The following DOCK3 variants were observed in gnomAD, a reference collection of about 807,000 sequenced individuals.
The protein encoded by DOCK3 is dedicator of cytokinesis 3, also known as dedicator of cytokinesis protein 3.
A neutral mutation model predicts 265.6 loss-of-function variants in DOCK3; 60 were observed. The observed-to-expected ratio is 0.23, with a 90% confidence interval of 0.18 to 0.28. The LOEUF (loss-of-function observed/expected upper bound fraction) is 0.28. DOCK3 is among the 10% of genes least tolerant of loss of function. DOCK3 has a pLI of 1.00. For missense variants in DOCK3, 1,981 were observed against 2,594.3 expected, an observed-to-expected ratio of 0.76 and a Z score of 5.14; for synonymous variants, 881 against 938.0, an observed-to-expected ratio of 0.94 and a Z score of 1.11.
chr3:51,023,741 A>G (rs570728988), intron 5 of DOCK3, among the ~76,000 whole-genome samples: 4 of 151,812 alleles, frequency 2.6e-5, no homozygotes, highest in East Asian at 1.9e-4. Context: ...ATAGTTATCT[A>G]TCTCCCTGGA....
At chr3:51,273,223 G>C (rs901515521) in intron 24 of DOCK3, among the ~76,000 whole-genome samples, 3 of 151,528 alleles carry the variant, frequency 2.0e-5, no homozygotes, top group Non-Finnish European at 2.9e-5. Context: ...ACAGCAGACT[G>C]CTCTCACTGA....
At chr3:51,170,470 G>C (rs777132956) in intron 12 of DOCK3, among the ~76,000 whole-genome samples, 4 of 151,916 alleles carry the variant, frequency 2.6e-5, no homozygotes, top group Non-Finnish European at 4.4e-5. Context: ...ATCTTGGTAA[G>C]TTGTATGTTT....
At chr3:51,073,576 C>A (rs1479816531) in intron 6 of DOCK3, among the ~76,000 whole-genome samples, 1 of 152,134 alleles carries the variant, frequency 6.6e-6, no homozygotes, top group Non-Finnish European at 1.5e-5. Flanking sequence ...ATAGTTTTAT[C>A]ATTAAATTGT....
At chr3:51,037,167 T>C (rs1404080903) in intron 5 of DOCK3, among the ~76,000 whole-genome samples, 8 of 152,150 alleles carry the variant, frequency 5.3e-5, no homozygotes, top group Admixed American at 1.3e-4. Flanking sequence ...GTAAATAATA[T>C]AGGTACAGTT....
At chr3:51,290,517 A>G (rs1363998423) in intron 27 of DOCK3, among the ~76,000 whole-genome samples, 2 of 151,982 alleles carry the variant, frequency 1.3e-5, no homozygotes, top group Admixed American at 1.3e-4. Flanking sequence ...GGGGAGCATC[A>G]CACACCGGGG....
At chr3:50,837,322 A>G (rs955236663) in intron 2 of DOCK3, among the ~76,000 whole-genome samples, 1 of 152,190 alleles carries the variant, frequency 6.6e-6, no homozygotes, top group African/African-American at 2.4e-5. Context: ...GTAATTTATA[A>G]AGAAAAGAGA....
Position 51,136,010 on chromosome 3 carries a change from C to T in DOCK3, c.747-10539C>T, listed in dbSNP as rs541256366. On this transcript the variant is annotated intron_variant, in intron 9 of 52. Transcript: ENST00000266037. ...CAGGTGGAGCCATTGCATGCAGCCT[C>T]TAGTACCCTCTTAACTCATGCTCTG... Among the ~76,000 whole-genome samples, 7 of 152,234 alleles carry T rather than the reference C, an allele frequency of 4.6e-5. 1 individual carries two copies. Among genetic ancestry groups the T allele is most frequent in the Admixed American group, 4.6e-4 (7 of 15,290 alleles).
chr3:51,220,403 T>A (rs1356297981), intron 14 of DOCK3, among the ~76,000 whole-genome samples: 1 of 151,946 alleles, frequency 6.6e-6, no homozygotes, highest in Non-Finnish European at 1.5e-5. Flanking sequence ...ACGTGTGTAA[T>A]CCCAGCACTT....
intron 32 of DOCK3, among the ~76,000 whole-genome samples, chr3:51,318,444 C>A (rs9817872): frequency 0.087 from 13,199 of 152,138 alleles, 1,197 homozygotes; most frequent in East Asian, 0.34. Context: ...AACAGTATAT[C>A]TTTCCATTTA....
At chr3:51,075,893 G>A (rs1051079905) in intron 7 of DOCK3, among the ~76,000 whole-genome samples, 1 of 152,084 alleles carries the variant, frequency 6.6e-6, no homozygotes, top group Non-Finnish European at 1.5e-5. Flanking sequence ...ATGTTGGGTC[G>A]ACTAATCAAG....
At chr3:50,798,133 G>T (rs2042889044) in intron 2 of DOCK3, among the ~76,000 whole-genome samples, 1 of 152,190 alleles carries the variant, frequency 6.6e-6, no homozygotes, top group Non-Finnish European at 1.5e-5. Flanking sequence ...GGTGGAATCT[G>T]TTACATGCGA....
intron 10 of DOCK3, among the ~76,000 whole-genome samples, chr3:51,147,811 G>T (rs1008842628): frequency 3.3e-5 from 5 of 152,160 alleles, no homozygotes; most frequent in Admixed American, 1.3e-4. Flanking sequence ...ACATCTCCAT[G>T]TGTCTTAATA....
intron 9 of DOCK3, among the ~76,000 whole-genome samples, chr3:51,092,290 A>G (rs2082667797): frequency 6.6e-6 from 1 of 152,208 alleles, no homozygotes; most frequent in African/African-American, 2.4e-5. Context: ...CCAGCACAGC[A>G]GCAGACTGAG....
chr3:51,014,041 A>G (rs2079054484), intron 5 of DOCK3, among the ~76,000 whole-genome samples: 1 of 152,134 alleles, frequency 6.6e-6, no homozygotes, highest in African/African-American at 2.4e-5. Context: ...TTTAGGTGGC[A>G]GTGTCCCGAT....
At chr3:50,780,864 G>GT (rs546878465) in intron 2 of DOCK3, among the ~76,000 whole-genome samples, 2 of 151,402 alleles carry the variant, frequency 1.3e-5, no homozygotes, top group Non-Finnish European at 2.9e-5. Flanking sequence ...CTTCATTCAG[G>GT]TTTTTTTTGT....
chr3:51,378,959 A>G (rs1553617454), intron 51 of DOCK3, among the ~76,000 whole-genome samples: 1 of 152,190 alleles, frequency 6.6e-6, no homozygotes, highest in East Asian at 1.9e-4. Context: ...GTTAGGAAGC[A>G]GTGGGTCCAG....
intron 30 of DOCK3, 96 bp downstream of exon 30, chr3:51,312,672 T>A: frequency 7.5e-7 from 1 of 1,334,228 alleles, no homozygotes; most frequent in South Asian, 1.5e-5. Context: ...GGTTCTCAGC[T>A]GGGTGGTTTC....
intron 4 of DOCK3, among the ~76,000 whole-genome samples, chr3:50,895,983 G>C (rs909970884): frequency 6.6e-6 from 1 of 152,054 alleles, no homozygotes; most frequent in South Asian, 2.1e-4. Flanking sequence ...ATAAACATAC[G>C]CATGCATGTG....
intron 6 of DOCK3, among the ~76,000 whole-genome samples, chr3:51,065,961 T>G (rs2081576955): frequency 6.6e-6 from 1 of 152,104 alleles, no homozygotes; most frequent in South Asian, 2.1e-4. Flanking sequence ...ATAAAGTACT[T>G]TAAAACAAAA....
Sources: allele counts gnomAD v4.1 joint callset (sites outside exome capture counted in the v4.1 genomes callset), GRCh38; gene constraint gnomAD v4.1.1; transcripts MANE v1.5; gene names NCBI Gene and HGNC (gene_info 2026-07-23, HGNC 2026-07-21).